Variants in SPATS2L observed in about 807,000 individuals in gnomAD.
SPATS2L encodes the protein spermatogenesis associated serine rich 2 like, also known as SPATS2-like protein.
In SPATS2L, 30 loss-of-function variants were observed where a neutral mutation model predicts 59.6. The ratio of observed to expected loss-of-function variants is 0.50; its 90% CI spans 0.38 to 0.68. The LOEUF (loss-of-function observed/expected upper bound fraction) is 0.68. Ranked by LOEUF, SPATS2L falls within the 30% of genes least tolerant of loss-of-function variation. The pLI is 0.00. For missense variants in SPATS2L, 615 were observed against 700.0 expected (o/e 0.88, Z 1.37); for synonymous variants, 252 against 263.5 (o/e 0.96, Z 0.42).
chr2:200,368,775 G>A (rs982804919), intron 2 of SPATS2L, among the ~76,000 whole-genome samples: 2 of 152,146 alleles, frequency 1.3e-5, no homozygotes, highest in Admixed American at 6.5e-5. Context: ...AAGAGAAGAT[G>A]ACTGAAGAGA....
At chr2:200,407,965 A>G (rs144110673) in intron 3 of SPATS2L, among the ~76,000 whole-genome samples, 17 of 152,320 alleles carry the variant, frequency 1.1e-4, no homozygotes, top group African/African-American at 4.1e-4. Context: ...GTGAATGGGC[A>G]TGGTGATTAT....
intron 6 of SPATS2L, among the ~76,000 whole-genome samples, chr2:200,436,159 G>C (rs1041159231): frequency 2.6e-5 from 4 of 152,056 alleles, no homozygotes; most frequent in Admixed American, 2.6e-4. Context: ...GTGGACTCCC[G>C]ATAAATGGAG....
chr2:200,478,849 AGTCCAGTTG>A lies in SPATS2L; in HGVS notation c.*824_*832del, dbSNP rs2087709182. 6.6e-6 allele frequency: 1 copy of A among 151,916 alleles called. No homozygotes were observed. 9.4% of individuals were successfully genotyped at this position (151,916 alleles called of 1,614,324 possible). A position where few individuals can be genotyped will look rare whatever the true frequency, so the allele number is the denominator to read the frequency against. On this transcript the variant is annotated 3_prime_UTR_variant, in exon 13 of 13. Transcript: ENST00000409140. ...GAATTTATTGGTTCAGTGAGTGAAA[AGTCCAGTTG>A]GTCCAATTTGATCAGGATTTCAGCT...
At chr2:200,388,351 G>A (rs538525560) in intron 2 of SPATS2L, among the ~76,000 whole-genome samples, 1 of 152,032 alleles carries the variant, frequency 6.6e-6, no homozygotes, top group East Asian at 1.9e-4. Flanking sequence ...TGGTAGGATC[G>A]CTTGAGCCCA....
chr2:200,419,825 CTTGGCATCCCAAAGTG>C, intron 6 of SPATS2L, among the ~76,000 whole-genome samples: 1 of 151,710 alleles, frequency 6.6e-6, no homozygotes, highest in South Asian at 2.1e-4. Context: ...GCAATCCTGC[CTTGGCATCCCAAAGTG>C]CTGGGATTAC....
At chr2:200,461,276 G>A (rs569317495) in intron 9 of SPATS2L, 4 of 152,180 alleles carry the variant, frequency 2.6e-5, no homozygotes, top group East Asian at 1.9e-4. Flanking sequence ...TAATGAACAC[G>A]CTCAAATTAT....
At chr2:200,476,550 C>T (rs1045718518) in intron 12 of SPATS2L, among the ~76,000 whole-genome samples, 1 of 152,220 alleles carries the variant, frequency 6.6e-6, no homozygotes, top group Non-Finnish European at 1.5e-5. Flanking sequence ...AAGCTCTGAA[C>T]CCCTCGGGGG....
At chr2:200,328,658 A>C (rs1482079524) in intron 1 of SPATS2L, among the ~76,000 whole-genome samples, 2 of 152,188 alleles carry the variant, frequency 1.3e-5, no homozygotes, top group African/African-American at 4.8e-5. Flanking sequence ...TCGTAGGACC[A>C]GTTAGCGGAG....
At chr2:200,440,856 G>T (rs545179741) in intron 8 of SPATS2L, 72 bp downstream of exon 8, 2 of 1,531,044 alleles carry the variant, frequency 1.3e-6, no homozygotes, top group Non-Finnish European at 1.8e-6. Flanking sequence ...GTATCAGATG[G>T]AAAACGTTGT....
intron 8 of SPATS2L, among the ~76,000 whole-genome samples, chr2:200,446,059 C>T (rs533191057): frequency 6.6e-6 from 1 of 152,306 alleles, no homozygotes; most frequent in East Asian, 1.9e-4. Flanking sequence ...AAACAACAGG[C>T]CAGGCACAGT....
intron 1 of SPATS2L, among the ~76,000 whole-genome samples, chr2:200,315,942 G>A (rs894969939): frequency 6.7e-6 from 1 of 149,634 alleles, no homozygotes; most frequent in Non-Finnish European, 1.5e-5. Context: ...GGAGAATGGC[G>A]TGAACCTGGG....
chr2:200,467,259 C>T (rs767903768), intron 9 of SPATS2L, 31 bp from the exon 10 acceptor site: 1 of 1,392,820 alleles, frequency 7.2e-7, no homozygotes, highest in South Asian at 1.2e-5. Context: ...CAATCTCTGG[C>T]CCTAATGTAT....
upstream of SPATS2L, chr2:200,306,290 C>G (rs185341792): frequency 1.0e-6 from 1 of 1,002,272 alleles, no homozygotes; most frequent in Non-Finnish European, 1.2e-6. Flanking sequence ...TTCATTTTCT[C>G]GGGTAGGAGA....
At chr2:200,319,164 C>T (rs534834779) in intron 1 of SPATS2L, among the ~76,000 whole-genome samples, 15 of 152,324 alleles carry the variant, frequency 9.8e-5, no homozygotes, top group African/African-American at 2.6e-4. Context: ...ATCTCCTCCT[C>T]GAAGTCTTCT....
At chr2:200,364,736 A>C (rs2081215692) in intron 2 of SPATS2L, among the ~76,000 whole-genome samples, 1 of 152,292 alleles carries the variant, frequency 6.6e-6, no homozygotes, top group Non-Finnish European at 1.5e-5. Context: ...GACTGCAGGA[A>C]TGTCTGAAGG....
chr2:200,307,096 AG>A lies in SPATS2L; in HGVS notation c.-73+176del, dbSNP rs1289132028. ...TGGGTGTGGCCCGCGCTCGGCGCCGAGGCGGGCTGGTGGCGCGGACCGGACG... is the reference window on the plus strand; with the variant it reads ...TGGGTGTGGCCCGCGCTCGGCGCCGAGCGGGCTGGTGGCGCGGACCGGACG... On this transcript the variant is annotated intron_variant, in intron 1 of 12. Coordinates refer to ENST00000409140, the MANE Select transcript of SPATS2L (RefSeq NM_001100423.2). Among the ~76,000 whole-genome samples, 21 of 150,234 alleles carry A rather than the reference AG, an allele frequency of 1.4e-4. 1 individual carries two copies. The East Asian group carries it at 3.8e-3, about 27-fold the overall frequency.
At chr2:200,444,048 C>A (rs1160173679) in intron 8 of SPATS2L, among the ~76,000 whole-genome samples, 1 of 152,196 alleles carries the variant, frequency 6.6e-6, no homozygotes, top group East Asian at 1.9e-4. Context: ...AAAGATGATA[C>A]AATGCTCTCA....
At chr2:200,310,796 A>G (rs776301117) in intron 1 of SPATS2L, among the ~76,000 whole-genome samples, 3 of 152,152 alleles carry the variant, frequency 2.0e-5, no homozygotes, top group Non-Finnish European at 4.4e-5. Context: ...GCTCATTTTC[A>G]TGTGTCCTTT....
At chr2:200,410,875 T>G (rs1258249487) in intron 3 of SPATS2L, among the ~76,000 whole-genome samples, 1 of 152,122 alleles carries the variant, frequency 6.6e-6, no homozygotes, top group Admixed American at 6.5e-5. Context: ...CAGAATTGGA[T>G]TTTTAAAGAT....
Sources: gnomAD v4.1 joint callset for allele counts (sites outside exome capture counted in the v4.1 genomes callset) on GRCh38, gnomAD v4.1.1 for gene constraint, MANE v1.5 for transcripts, NCBI Gene and HGNC (gene_info 2026-07-23, HGNC 2026-07-21) for gene names.